Variants in ALDH1A2 observed in about 807,000 individuals in gnomAD.
ALDH1A2 encodes aldehyde dehydrogenase 1 family member A2, also known as retinal dehydrogenase 2.
Under a neutral mutation model 60.3 loss-of-function variants are expected in ALDH1A2, and 27 were observed. The ratio of observed to expected loss-of-function variants is 0.45; its 90% CI spans 0.33 to 0.62. The LOEUF is 0.62. ALDH1A2 is among the 20% of genes least tolerant of loss of function. ALDH1A2 has a pLI of 0.02. For synonymous variants in ALDH1A2, 289 were observed against 232.4 expected (o/e 1.24, Z -2.21); for missense variants, 581 against 643.8 (o/e 0.90, Z 1.06).
chr15:58,011,233 T>C (rs1459695765), intron 3 of ALDH1A2, among the ~76,000 whole-genome samples: 1 of 152,092 alleles, frequency 6.6e-6, no homozygotes, highest in Non-Finnish European at 1.5e-5. Context: ...TGCTGAGAAA[T>C]GGAATATCCA....
At chr15:58,044,474 C>A (rs1896592956) in intron 1 of ALDH1A2, among the ~76,000 whole-genome samples, 2 of 151,982 alleles carry the variant, frequency 1.3e-5, no homozygotes, top group South Asian at 2.1e-4. Flanking sequence ...CTGTTTGAGT[C>A]CTTTTACTTC....
At chr15:58,018,068 T>C (rs1427387988) in intron 1 of ALDH1A2, among the ~76,000 whole-genome samples, 3 of 152,160 alleles carry the variant, frequency 2.0e-5, no homozygotes, top group Admixed American at 2.0e-4. Flanking sequence ...CATAGCATTA[T>C]TCCCTGACCA....
intron 7 of ALDH1A2, among the ~76,000 whole-genome samples, chr15:57,978,034 A>T (rs568101905): frequency 2.0e-5 from 3 of 152,134 alleles, no homozygotes; most frequent in Non-Finnish European, 4.4e-5. Flanking sequence ...GATTTTTGCA[A>T]TTGATTGTGT....
At chr15:58,021,329 C>A (rs2140527248) in intron 1 of ALDH1A2, among the ~76,000 whole-genome samples, 1 of 152,174 alleles carries the variant, frequency 6.6e-6, no homozygotes, top group African/African-American at 2.4e-5. Flanking sequence ...TCCAAGAGAA[C>A]ACCGGAATTC....
chr15:58,042,047 T>A (rs896296391), intron 1 of ALDH1A2, among the ~76,000 whole-genome samples: 4 of 151,888 alleles, frequency 2.6e-5, no homozygotes, highest in African/African-American at 9.7e-5. Context: ...TTTGAACATA[T>A]GATTTTTGGC....
At chr15:58,001,100 A>C (rs1895253155) in intron 4 of ALDH1A2, among the ~76,000 whole-genome samples, 1 of 151,212 alleles carries the variant, frequency 6.6e-6, no homozygotes, top group South Asian at 2.1e-4. Flanking sequence ...TAATTTTCAC[A>C]TCCTTATCTC....
chr15:57,960,104 A>C (rs1893672049), intron 12 of ALDH1A2, among the ~76,000 whole-genome samples: 1 of 152,122 alleles, frequency 6.6e-6, no homozygotes, highest in Non-Finnish European at 1.5e-5. Flanking sequence ...CCTATCCCTG[A>C]GCTCCTCCAT....
At chr15:58,058,139 A>G in intron 1 of ALDH1A2, 2 of 1,393,792 alleles carry the variant, frequency 1.4e-6, no homozygotes, top group Non-Finnish European at 2.0e-6. Context: ...GTTGTTCTCC[A>G]TAAATTCATA....
chr15:58,026,727 G>A (rs564304950), intron 1 of ALDH1A2, among the ~76,000 whole-genome samples: 1 of 152,236 alleles, frequency 6.6e-6, no homozygotes, highest in African/African-American at 2.4e-5. Flanking sequence ...TCCCATGCCA[G>A]GTTCGGCGGG....
At chr15:58,055,634 G>C (rs1329556063) in intron 1 of ALDH1A2, among the ~76,000 whole-genome samples, 2 of 151,966 alleles carry the variant, frequency 1.3e-5, no homozygotes, top group Non-Finnish European at 2.9e-5. Context: ...AGAAGGGGTA[G>C]TTTTAGTTTT....
At chr15:58,037,861 A>G (rs1185916933) in intron 1 of ALDH1A2, among the ~76,000 whole-genome samples, 2 of 151,856 alleles carry the variant, frequency 1.3e-5, no homozygotes, top group Non-Finnish European at 3.0e-5. Flanking sequence ...GACAATGTAT[A>G]AAAAGGACTT....
chr15:58,018,362 A>T (rs915299085), intron 1 of ALDH1A2, among the ~76,000 whole-genome samples: 2 of 152,156 alleles, frequency 1.3e-5, no homozygotes, highest in African/African-American at 4.8e-5. Flanking sequence ...TAAATGTGGG[A>T]TAAGGAGGCG....
intron 7 of ALDH1A2, among the ~76,000 whole-genome samples, chr15:57,974,615 A>G (rs1894184188): frequency 6.6e-6 from 1 of 152,090 alleles, no homozygotes; most frequent in Non-Finnish European, 1.5e-5. Flanking sequence ...CTCAACATAC[A>G]CAAAAGTTGA....
intron 1 of ALDH1A2, among the ~76,000 whole-genome samples, chr15:58,052,536 G>A (rs1242088804): frequency 2.0e-5 from 3 of 152,042 alleles, no homozygotes; most frequent in Non-Finnish European, 4.4e-5. Context: ...CGCAATCTCG[G>A]CTCAGTGCAA....
chr15:57,969,976 G>A (rs1894010307), intron 7 of ALDH1A2, among the ~76,000 whole-genome samples: 1 of 152,140 alleles, frequency 6.6e-6, no homozygotes. Context: ...TTCTCCTCCT[G>A]GGTCTCAGCT....
intron 4 of ALDH1A2, among the ~76,000 whole-genome samples, chr15:58,006,680 ATT>A (rs1412049903): frequency 7.4e-6 from 1 of 135,326 alleles, no homozygotes; most frequent in Non-Finnish European, 1.6e-5. Flanking sequence ...GCCAACATCT[ATT>A]TTTTTTATTT....
Position 58,013,896 on chromosome 15 carries a change from G to T in ALDH1A2, c.325C>A (p.Leu109Ile), listed in dbSNP as rs894115038. ...ASERGRLLDKLADLVERDRAV... is the reference protein window; with the variant it reads ...ASERGRLLDKIADLVERDRAV... ...CTGTCCCGTTCCACCAAGTCTGCAA[G>T]CTTATCCAACAGACGTCCCCTTTCT... Residue 109 changes from leucine (L) to isoleucine (I), a missense_variant, in exon 3 of 13, where the codon CTT becomes ATT. This residue lies in a region of ALDH1A2 where 206 missense variants were observed against 174.1 expected (regional missense o/e 1.18). Transcript: ENST00000249750. 6.2e-7 allele frequency: 1 copy of T among 1,614,184 alleles called. No individual in the cohort carries two copies. Among genetic ancestry groups the T allele is most frequent in the Non-Finnish European group, 8.5e-7 (1 of 1,180,022 alleles).
At chr15:57,978,213 G>C (rs935246600) in intron 7 of ALDH1A2, among the ~76,000 whole-genome samples, 4 of 152,124 alleles carry the variant, frequency 2.6e-5, no homozygotes, top group African/African-American at 9.7e-5. Context: ...GCCCTGACCA[G>C]AACTTCCAAT....
chr15:58,023,056 C>G (rs891065017), intron 1 of ALDH1A2, among the ~76,000 whole-genome samples: 5 of 152,086 alleles, frequency 3.3e-5, no homozygotes, highest in Admixed American at 6.5e-5. Flanking sequence ...TTTCAAGAAT[C>G]TTAGTGAGAT....
Sources: allele counts gnomAD v4.1 joint callset (sites outside exome capture counted in the v4.1 genomes callset), GRCh38; gene constraint gnomAD v4.1.1; regional missense constraint gnomAD v4.1.1; transcripts MANE v1.5; gene names NCBI Gene and HGNC (gene_info 2026-07-23, HGNC 2026-07-21).